CCNH: variants seen among roughly 807,000 people sequenced by gnomAD.
The protein encoded by CCNH is cyclin H, also known as cyclin-H.
Under a neutral mutation model 41.9 loss-of-function variants are expected in CCNH, and 31 were observed. The observed-to-expected ratio is 0.74, with a 90% CI of 0.56 to 1.00. The LOEUF (loss-of-function observed/expected upper bound fraction) is 1.00, where lower values mean the gene tolerates loss of function less well. CCNH is among the 50% of genes least tolerant of loss of function. The probability of loss-of-function intolerance (pLI) is 0.00; values close to 1 mark genes in which losing one functional copy is unlikely to be tolerated. For synonymous variants in CCNH, 138 were observed against 136.1 expected, an observed-to-expected ratio of 1.01 and a Z score of -0.10; for missense variants, 362 against 388.4, an observed-to-expected ratio of 0.93 and a Z score of 0.57.
intron 9 of CCNH, among the ~76,000 whole-genome samples, chr5:87,319,097 C>A (rs1458978760): frequency 3.3e-5 from 5 of 152,242 alleles, no homozygotes; most frequent in Non-Finnish European, 7.3e-5. Context: ...CCAGGGCACG[C>A]TGATGCAAGG....
upstream of CCNH, chr5:87,378,648 T>A: frequency 8.4e-7 from 1 of 1,188,514 alleles, no homozygotes. Context: ...CTAAAATTAT[T>A]CCTCATAGCA....
chr5:87,404,254 T>A (rs1164179080), intron 5 of CCNH, among the ~76,000 whole-genome samples: 2 of 152,150 alleles, frequency 1.3e-5, no homozygotes, highest in Non-Finnish European at 2.9e-5. Context: ...CTAAATACAA[T>A]CTGCTCTATT....
chr5:87,396,992 C>T (rs1763016381), intron 7 of CCNH, among the ~76,000 whole-genome samples: 1 of 151,984 alleles, frequency 6.6e-6, no homozygotes, highest in Non-Finnish European at 1.5e-5. Flanking sequence ...CTGACAATGA[C>T]AAAACAGTTT....
chr5:87,343,487 A>G (rs1373950068), intron 9 of CCNH, among the ~76,000 whole-genome samples: 1 of 152,188 alleles, frequency 6.6e-6, no homozygotes, highest in East Asian at 1.9e-4. Context: ...ATTACTAATC[A>G]TCAGATAAAT....
At chr5:87,333,152 ATGAT>A in intron 9 of CCNH, 2 of 1,439,078 alleles carry the variant, frequency 1.4e-6, no homozygotes, top group East Asian at 5.0e-5. Context: ...ATTTATTTGA[ATGAT>A]CCCATGGAGT....
intron 9 of CCNH, among the ~76,000 whole-genome samples, chr5:87,384,185 A>C (rs1367261643): frequency 1.3e-5 from 2 of 152,166 alleles, no homozygotes; most frequent in African/African-American, 4.8e-5. Flanking sequence ...TTGGAATAGT[A>C]TTCTGTGAGT....
chr5:87,346,841 T>C, intron 9 of CCNH: 1 of 726,678 alleles, frequency 1.4e-6, no homozygotes, highest in Middle Eastern at 2.5e-4. Flanking sequence ...CATGTTATAA[T>C]TTCGTGTCCA....
In CCNH at chr5:87,397,584, T is replaced by C. The variant is rs139869188; in HGVS notation, c.872+1810A>G. ...TTTTTTATTGAATTTTACAAAAGTA[T>C]ACATCTAGTGATTTTTTTTTAAAAA... On this transcript the variant is annotated intron_variant, in intron 7 of 8. Transcript: ENST00000256897. Among the ~76,000 whole-genome samples the C allele has an allele frequency of 1.8e-3, 269 of 152,368 alleles. 1 individual carries two copies. Among genetic ancestry groups the C allele is most frequent in the African/African-American group, 6.0e-3 (248 of 41,586 alleles).
At chr5:87,335,687 A>C (rs1447492144) in intron 9 of CCNH, among the ~76,000 whole-genome samples, 1 of 152,106 alleles carries the variant, frequency 6.6e-6, no homozygotes. Flanking sequence ...TGGCCTCCCA[A>C]AGTGCTGGGA....
In CCNH at chr5:87,399,405, A is replaced by T. The variant is rs751656016; in HGVS notation, c.861T>A (p.Leu287=). The T allele has an allele frequency of 9.9e-6, 16 of 1,610,720 alleles. No individual in the cohort carries two copies. Among genetic ancestry groups the T allele is most frequent in the Non-Finnish European group, 1.4e-5 (16 of 1,177,044 alleles). Residue 287 remains leucine (L), a synonymous_variant, in exon 7 of 9, where the codon CTT becomes CTA. Coordinates refer to ENST00000256897, the MANE Select transcript of CCNH (RefSeq NM_001239.4). ...TCACATTAACTTACGTGATTACGTT[A>T]AGTGCAAGCTCAGCAGAATGACATC... The part of the protein sequence containing the change: ...LERCHSAELA[L]NVITKKRKGY...
At chr5:87,374,867 T>C, downstream of CCNH, 1 of 1,609,874 alleles carries the variant, frequency 6.2e-7, no homozygotes, top group Non-Finnish European at 8.5e-7. Context: ...TCAATAGATT[T>C]GAAATAACTC....
At chr5:87,333,227 A>C in intron 9 of CCNH, 1 of 1,606,316 alleles carries the variant, frequency 6.2e-7, no homozygotes, top group Non-Finnish European at 8.5e-7. Flanking sequence ...TAAGATAAAA[A>C]GACTATCTTT....
At chr5:87,346,420 T>A (rs1433164931) in intron 9 of CCNH, among the ~76,000 whole-genome samples, 1 of 151,934 alleles carries the variant, frequency 6.6e-6, no homozygotes, top group Admixed American at 6.6e-5. Flanking sequence ...GATTAAAAAT[T>A]GTTGCCATTT....
intron 9 of CCNH, among the ~76,000 whole-genome samples, chr5:87,340,917 G>A (rs560557482): frequency 8.1e-4 from 123 of 152,086 alleles, no homozygotes; most frequent in African/African-American, 2.8e-3. Context: ...TGTGGTAAAC[G>A]ACTTCAGTTG....
downstream of CCNH, chr5:87,391,372 T>C: frequency 3.8e-6 from 1 of 263,824 alleles, no homozygotes; most frequent in East Asian, 5.3e-5. Flanking sequence ...TCAATGATTA[T>C]TTGTATTTAC....
intron 9 of CCNH, chr5:87,331,267 C>T (rs772984768): frequency 3.6e-6 from 5 of 1,380,176 alleles, no homozygotes; most frequent in Non-Finnish European, 4.1e-6. Context: ...TTTAAAACCT[C>T]TAGTAGTATG....
downstream of CCNH, among the ~76,000 whole-genome samples, chr5:87,314,561 A>T (rs1756175880): frequency 6.6e-6 from 1 of 152,222 alleles, no homozygotes. Flanking sequence ...AGAGATACTG[A>T]TGAGAAGTTT....
At chr5:87,353,275 T>A in intron 9 of CCNH, 3 of 1,461,580 alleles carry the variant, frequency 2.1e-6, no homozygotes, top group Non-Finnish European at 2.9e-6. Flanking sequence ...TAGCATTTTA[T>A]TTTAAAATGC....
At chr5:87,367,085 TTTATTA>T (rs1580364833) in intron 9 of CCNH, among the ~76,000 whole-genome samples, 1 of 152,164 alleles carries the variant, frequency 6.6e-6, no homozygotes, top group African/African-American at 2.4e-5. Flanking sequence ...AGTATGCTAC[TTTATTA>T]TTAACTATTT....
Sources: allele counts gnomAD v4.1 joint callset (sites outside exome capture counted in the v4.1 genomes callset), GRCh38; gene constraint gnomAD v4.1.1; transcripts MANE v1.5; gene names NCBI Gene and HGNC (gene_info 2026-07-23, HGNC 2026-07-21).